The following ASPSCR1 variants were observed in gnomAD, a reference collection of about 807,000 sequenced individuals.
ASPSCR1 encodes the protein tether containing UBX domain for GLUT4.
ASPSCR1 carries 55 observed loss-of-function variants against 68.9 expected under a neutral mutation model. The ratio of observed to expected loss-of-function variants is 0.80; its 90% CI spans 0.64 to 1.00. ASPSCR1 has a LOEUF of 1.00. ASPSCR1 is among the 50% of genes least tolerant of loss of function. The pLI is 0.00. For synonymous variants in ASPSCR1, 352 were observed against 332.6 expected, an observed-to-expected ratio of 1.06 and a Z score of -0.63; for missense variants, 765 against 762.2, an observed-to-expected ratio of 1.00 and a Z score of -0.04.
chr17:82,002,436 G>A (rs1370085248), intron 7 of ASPSCR1, among the ~76,000 whole-genome samples: 1 of 151,810 alleles, frequency 6.6e-6, no homozygotes, highest in East Asian at 1.9e-4. Flanking sequence ...TGTGTTCTTT[G>A]TAGAGAAGGG....
Position 81,987,387 on chromosome 17 carries a change from A to C in ASPSCR1, c.374+1780A>C, listed in dbSNP as rs1025656188. Among the ~76,000 whole-genome samples the C allele has an allele frequency of 6.6e-6, 1 of 152,170 alleles. No individual in the cohort carries two copies. The highest frequency in any genetic ancestry group is 1.5e-5 in the Non-Finnish European group (1 of 68,016). On this transcript the variant is annotated intron_variant, in intron 4 of 15. Coordinates refer to ENST00000306739, the MANE Select transcript of ASPSCR1 (RefSeq NM_024083.4). This position sits in a 1 kb window ranked among gnomAD's most constrained non-coding sequence, Gnocchi z 5.6. ...GCAGAGGGCAAGAAGAAAACCAAACAGCGCGGGGAACAGAAGTCAGGAAAG... is the reference window on the plus strand; with the variant it reads ...GCAGAGGGCAAGAAGAAAACCAAACCGCGCGGGGAACAGAAGTCAGGAAAG...
intron 7 of ASPSCR1, among the ~76,000 whole-genome samples, chr17:82,002,356 C>G (rs2042566439): frequency 6.8e-6 from 1 of 146,868 alleles, no homozygotes; most frequent in Non-Finnish European, 1.5e-5. Context: ...CCTCCCAGTT[C>G]AAGTAATTTT....
intron 2 of ASPSCR1, among the ~76,000 whole-genome samples, 167 bp downstream of exon 2, chr17:81,979,406 G>A (rs950775456): frequency 1.3e-5 from 2 of 152,176 alleles, no homozygotes; most frequent in Non-Finnish European, 2.9e-5. Context: ...CTCTCCAAAT[G>A]CCCTAAGGGA....
chr17:81,996,985 C>T lies in ASPSCR1; in HGVS notation c.933+139C>T, dbSNP rs371621642. On this transcript the variant is annotated intron_variant, in intron 7 of 15. Transcript: ENST00000306739. Reference sequence around the variant, plus strand: ...CCAAACGCGCAGAGGAACCCAAACGCGGGGCTCTGGACAGGAGCCTTCTGA... The same window carrying T: ...CCAAACGCGCAGAGGAACCCAAACGTGGGGCTCTGGACAGGAGCCTTCTGA... The T allele has an allele frequency of 5.7e-5, 84 of 1,481,310 alleles. No homozygotes were observed. In the East Asian group the frequency reaches 1.5e-3, roughly 26 times the overall value. 91.8% of individuals were successfully genotyped at this position (1,481,310 alleles called of 1,614,324 possible). A position where few individuals can be genotyped will look rare whatever the true frequency, so the allele number is the denominator to read the frequency against.
intron 5 of ASPSCR1, 49 bp downstream of exon 5, chr17:81,994,927 C>T: frequency 6.5e-7 from 1 of 1,550,294 alleles, no homozygotes; most frequent in Non-Finnish European, 8.8e-7. Context: ...TTTCAGCCCA[C>T]TTTCCAACTG....
intron 7 of ASPSCR1, among the ~76,000 whole-genome samples, chr17:82,002,206 TTTC>T (rs1325234348): frequency 6.6e-6 from 1 of 151,876 alleles, no homozygotes; most frequent in African/African-American, 2.4e-5. Context: ...GTGATTTTTT[TTTC>T]TTATGAGTAC....
At chr17:82,010,194 T>TGA in intron 9 of ASPSCR1, 1 of 236,632 alleles carries the variant, frequency 4.2e-6, no homozygotes, top group Admixed American at 5.8e-5. Flanking sequence ...AGTTCTGGGA[T>TGA]TACAGGCTTG....
chr17:81,985,824 C>A (rs751826005), intron 4 of ASPSCR1, among the ~76,000 whole-genome samples: 15 of 152,126 alleles, frequency 9.9e-5, no homozygotes, highest in Non-Finnish European at 1.9e-4. Flanking sequence ...TTCTGAGTTT[C>A]CTGGGCCCAG....
At chr17:82,010,056 C>T (rs1297421809) in intron 9 of ASPSCR1, 3 of 343,038 alleles carry the variant, frequency 8.7e-6, no homozygotes, top group South Asian at 2.0e-5. Flanking sequence ...ATTTCAGGTA[C>T]CCGCTACCAC....
At chr17:82,011,098 G>A (rs1050866461) in intron 10 of ASPSCR1, among the ~76,000 whole-genome samples, 19 of 152,220 alleles carry the variant, frequency 1.2e-4, no homozygotes, top group African/African-American at 3.9e-4. Flanking sequence ...CAGGGAGCCC[G>A]TGGTCCTGAG....
rs2144043832 is a variant in ASPSCR1 at position 81,996,403 on chromosome 17, C to T, written c.507-17C>T. ...AGGCACCACAAGGTGCTTCCCTTGT[C>T]CTCTGGCCCCACTCAGGTTTGTCAT... On this transcript the variant is annotated splice_polypyrimidine_tract_variant and intron_variant, in intron 6 of 15. Transcript: ENST00000306739. 17 of 1,567,634 alleles carry T rather than the reference C, an allele frequency of 1.1e-5. No individual in the cohort carries two copies. Among genetic ancestry groups the T allele is most frequent in the Non-Finnish European group, 1.5e-5 (17 of 1,152,664 alleles).
chr17:81,987,060 C>T lies in ASPSCR1; in HGVS notation c.374+1453C>T, dbSNP rs1265237290. Among the ~76,000 whole-genome samples the T allele has an allele frequency of 6.6e-6, 1 of 151,624 alleles. No individual in the cohort carries two copies. Among genetic ancestry groups the T allele is most frequent in the Non-Finnish European group, 1.5e-5 (1 of 67,960 alleles). ...GCCACGGGCAGGGGTGAGCGGGACCCGAGGCAGGAGATGACGGAGCCTAAG... is the reference window on the plus strand; with the variant it reads ...GCCACGGGCAGGGGTGAGCGGGACCTGAGGCAGGAGATGACGGAGCCTAAG... On this transcript the variant is annotated intron_variant, in intron 4 of 15. Coordinates refer to ENST00000306739, the MANE Select transcript of ASPSCR1 (RefSeq NM_024083.4). The surrounding 1 kb of genome is among the most constrained non-coding windows in gnomAD (Gnocchi z 5.6).
intron 1 of ASPSCR1, among the ~76,000 whole-genome samples, 163 bp from the exon 2 acceptor site, chr17:81,979,021 G>A (rs182258946): frequency 4.5e-4 from 69 of 152,324 alleles, no homozygotes; most frequent in African/African-American, 1.6e-3. Context: ...GTGAGAGCCT[G>A]CATTTGTTGC....
intron 7 of ASPSCR1, chr17:82,007,544 G>C (rs1467706772): frequency 6.6e-6 from 1 of 152,272 alleles, no homozygotes; most frequent in Non-Finnish European, 1.5e-5. Flanking sequence ...GCTGTGCCCT[G>C]GACGTGGCCG....
intron 12 of ASPSCR1, chr17:82,015,896 C>T (rs906002457): frequency 5.9e-6 from 1 of 169,602 alleles, no homozygotes; most frequent in African/African-American, 2.4e-5. Context: ...ATTGGGTTTT[C>T]AAAGCATTCA....
chr17:82,002,883 T>C (rs1419396839), intron 7 of ASPSCR1, among the ~76,000 whole-genome samples: 1 of 150,084 alleles, frequency 6.7e-6, no homozygotes, highest in East Asian at 2.0e-4. Context: ...AAAATAACTT[T>C]TTTTTTTTCG....
In ASPSCR1 at chr17:81,979,250, T is replaced by G. The variant is rs1222637029; in HGVS notation, c.158+11T>G. On this transcript the variant is annotated intron_variant, in intron 2 of 15. Transcript: ENST00000306739. Reference sequence around the variant, plus strand: ...TGAATATGATCTGAAGTGAGTTTGCTCCAGCTCAGCAGCAGGGTCTGAGTA... The same window carrying G: ...TGAATATGATCTGAAGTGAGTTTGCGCCAGCTCAGCAGCAGGGTCTGAGTA... The G allele has an allele frequency of 6.2e-7, 1 of 1,613,422 alleles. No homozygotes were observed. Among genetic ancestry groups the G allele is most frequent in the South Asian group, 1.1e-5 (1 of 91,066 alleles).
At chr17:82,010,776 C>A (rs559486703) in intron 9 of ASPSCR1, 26 bp from the exon 10 acceptor site, 2 of 1,610,374 alleles carry the variant, frequency 1.2e-6, no homozygotes, top group East Asian at 4.5e-5. Flanking sequence ...GGCCGTCCCT[C>A]CAACCCTTCC....
intron 3 of ASPSCR1, 107 bp from the exon 4 acceptor site, chr17:81,985,400 C>A: frequency 8.4e-7 from 1 of 1,194,692 alleles, no homozygotes; most frequent in Non-Finnish European, 1.2e-6. Context: ...TCCCTGGAGG[C>A]CAGGGCGGGG....
Sources: allele counts gnomAD v4.1 joint callset (sites outside exome capture counted in the v4.1 genomes callset), GRCh38; gene constraint gnomAD v4.1.1; non-coding constraint Gnocchi (gnomAD v3.1); transcripts MANE v1.5; gene names NCBI Gene and HGNC (gene_info 2026-07-23, HGNC 2026-07-21).